BRI3: variants seen among roughly 807,000 people sequenced by gnomAD.
The protein encoded by BRI3 is membrane protein BRI3.
BRI3 carries 6 observed loss-of-function variants against 12.8 expected under a neutral mutation model. That is an observed-to-expected ratio of 0.47 (90% CI 0.26 to 0.93). BRI3 has a LOEUF of 0.93. BRI3 is among the 40% of genes least tolerant of loss of function. BRI3 has a pLI of 0.15. For synonymous variants in BRI3, 91 were observed against 76.1 expected (o/e 1.20, Z -1.02); for missense variants, 134 against 171.1 (o/e 0.78, Z 1.21).
upstream of BRI3, chr7:98,304,468 ATAGTACATCAC>A: frequency 8.0e-7 from 1 of 1,255,238 alleles, no homozygotes; most frequent in Non-Finnish European, 1.1e-6. Context: ...GACAACAGTA[ATAGTACATCAC>A]CAATCAAAAC....
At chr7:98,315,489 C>T in the BRI3 span, 1 of 1,503,308 alleles carries the variant, frequency 6.7e-7, no homozygotes, top group Non-Finnish European at 8.9e-7. Context: ...ATGTGGTTTG[C>T]AAAGCCACAG....
At chr7:98,293,687 G>GTCTC, downstream of BRI3, 2 of 1,300,012 alleles carry the variant, frequency 1.5e-6, no homozygotes, top group Non-Finnish European at 2.2e-6. Flanking sequence ...TGCCCTGTGA[G>GTCTC]ACTGGGCGGC....
At chr7:98,292,109 G>A (rs1264333714), downstream of BRI3, 1 of 155,014 alleles carries the variant, frequency 6.5e-6, no homozygotes, top group African/African-American at 2.4e-5. Flanking sequence ...TGCTGGACCT[G>A]GCTGGAAGGA....
intron 2 of BRI3, 87 bp from the exon 3 acceptor site, chr7:98,291,024 G>T: frequency 6.8e-7 from 1 of 1,480,200 alleles, no homozygotes; most frequent in Non-Finnish European, 9.4e-7. Context: ...GCCACTGGTT[G>T]GTTATTGAAT....
upstream of BRI3, among the ~76,000 whole-genome samples, chr7:98,302,346 A>G (rs1480452229): frequency 6.6e-6 from 1 of 152,218 alleles, no homozygotes; most frequent in African/African-American, 2.4e-5. Context: ...ACAATGCCAG[A>G]GCTGTGATTT....
chr7:98,313,180 A>G (rs1200322697), downstream of BRI3, among the ~76,000 whole-genome samples: 1 of 147,202 alleles, frequency 6.8e-6, no homozygotes, highest in African/African-American at 2.5e-5. Context: ...ACTCTGCAGC[A>G]CCGTGGACCA....
chr7:98,304,337 A>G (rs148981505), upstream of BRI3: 33 of 1,613,642 alleles, frequency 2.0e-5, no homozygotes, highest in African/African-American at 3.9e-4. Flanking sequence ...TGCTATTCTC[A>G]GACAAGTTCA....
intron 2 of BRI3, 66 bp from the exon 3 acceptor site, chr7:98,291,045 C>G (rs1052229861): frequency 6.3e-7 from 1 of 1,583,068 alleles, no homozygotes. Flanking sequence ...GCAAGGGTGG[C>G]AGGGGTGAGG....
upstream of BRI3, chr7:98,306,421 A>G: frequency 6.2e-7 from 1 of 1,613,976 alleles, no homozygotes; most frequent in Non-Finnish European, 8.5e-7. Flanking sequence ...GGGAGAGCTC[A>G]GCCACGTTCA....
At chr7:98,312,114 T>C, downstream of BRI3, 1 of 1,605,380 alleles carries the variant, frequency 6.2e-7, no homozygotes, top group East Asian at 2.2e-5. Context: ...CTTCTCTCGA[T>C]CATGGGTGAA....
intron 1 of BRI3, among the ~76,000 whole-genome samples, chr7:98,300,814 T>C (rs1584420661): frequency 6.6e-6 from 1 of 152,248 alleles, no homozygotes; most frequent in East Asian, 1.9e-4. Flanking sequence ...CCTGCCTCTC[T>C]GGCTGGTGCC....
chr7:98,298,184 C>T (rs181325129), intron 1 of BRI3, among the ~76,000 whole-genome samples: 109 of 152,366 alleles, frequency 7.2e-4, no homozygotes, highest in Non-Finnish European at 1.3e-3. Context: ...TAATAAGACG[C>T]GCCGTCACAG....
intron 1 of BRI3, 116 bp downstream of exon 1, chr7:98,282,053 TC>T (rs1192558948): frequency 3.9e-6 from 5 of 1,286,098 alleles, no homozygotes; most frequent in Middle Eastern, 2.9e-4. Flanking sequence ...GAGCTGGAGG[TC>T]CCCGGGCTGG....
At position 98,307,765 on chromosome 7, in the gene BRI3, G is replaced by A. The variant is rs1293247835; in HGVS notation, n.395G>A. On this transcript the variant is annotated non_coding_transcript_exon_variant, in exon 2 of 2. Transcript: ENST00000485422. ...ATGAGCAGCGTGATGACATCTCCCT[G>A]TGCAAAGCTGAGTAAGGTCTTGTTG... The A allele has an allele frequency of 3.1e-6, 5 of 1,614,156 alleles. No individual in the cohort carries two copies. The African/African-American group carries it at 5.3e-5, about 17-fold the overall frequency.
chr7:98,288,211 T>C (rs990677865), intron 2 of BRI3, among the ~76,000 whole-genome samples: 2 of 152,224 alleles, frequency 1.3e-5, no homozygotes, highest in Admixed American at 1.3e-4. Context: ...CTGAGAGGCC[T>C]GAGGCCACTG....
At chr7:98,300,934 C>T (rs1032959509) in intron 1 of BRI3, among the ~76,000 whole-genome samples, 4 of 152,190 alleles carry the variant, frequency 2.6e-5, no homozygotes, top group African/African-American at 9.7e-5. Flanking sequence ...AGAAGCCTCC[C>T]CTGATGCGTC....
chr7:98,306,457 A>G, upstream of BRI3: 1 of 1,614,188 alleles, frequency 6.2e-7, no homozygotes, highest in Non-Finnish European at 8.5e-7. Flanking sequence ...GGGCACGGTC[A>G]CTGCTTCTGT....
At chr7:98,285,484 G>A (rs563668767) in intron 2 of BRI3, among the ~76,000 whole-genome samples, 23 of 152,298 alleles carry the variant, frequency 1.5e-4, no homozygotes, top group South Asian at 1.0e-3. Context: ...GGCTGTCCCC[G>A]TCCTGACAGT....
At position 98,282,342 on chromosome 7, in the gene BRI3, C is replaced by T. The variant is rs1799550045; in HGVS notation, c.143-9C>T. The T allele has an allele frequency of 1.2e-6, 2 of 1,610,520 alleles. No individual in the cohort carries two copies. Among genetic ancestry groups the T allele is most frequent in the Non-Finnish European group, 1.7e-6 (2 of 1,176,884 alleles). ...CCTGCACCCTAATGACCTGCTTTCC[C>T]GCCCACAGGGATACCCACCCACCAT... On this transcript the variant is annotated splice_polypyrimidine_tract_variant and intron_variant, in intron 1 of 2. Coordinates refer to ENST00000297290, the MANE Select transcript of BRI3 (RefSeq NM_015379.5).
Sources: gnomAD v4.1 joint callset for allele counts (sites outside exome capture counted in the v4.1 genomes callset) on GRCh38, gnomAD v4.1.1 for gene constraint, MANE v1.5 for transcripts, NCBI Gene and HGNC (gene_info 2026-07-23, HGNC 2026-07-21) for gene names.